TBXAS1: variants seen among roughly 807,000 people sequenced by gnomAD.
TBXAS1 encodes the protein thromboxane-A synthase.
A neutral mutation model predicts 60.7 loss-of-function variants in TBXAS1; 48 were observed. The observed-to-expected ratio is 0.79, with a 90% confidence interval of 0.63 to 1.01. The LOEUF (loss-of-function observed/expected upper bound fraction) is 1.01, where lower values mean the gene tolerates loss of function less well. Among genes scored for constraint, TBXAS1 ranks in the 50% least tolerant of loss-of-function variants. The pLI is 0.00. For missense variants in TBXAS1, 685 were observed against 686.3 expected (o/e 1.00, Z 0.02); for synonymous variants, 287 against 269.7 (o/e 1.06, Z -0.63).
chr7:139,809,323 GATA>G (rs1797968406), intron 4 of TBXAS1, among the ~76,000 whole-genome samples: 5 of 51,500 alleles, frequency 9.7e-5, no homozygotes, highest in African/African-American at 3.5e-4. Context: ...TAGGAGATTA[GATA>G]GATAGATAGA....
chr7:139,962,087 G>A lies in TBXAS1; in HGVS notation c.988G>A (p.Glu330Lys), dbSNP rs1416520013. The A allele has an allele frequency of 6.2e-7, 1 of 1,614,116 alleles. No homozygotes were observed. The highest frequency in any genetic ancestry group is 8.5e-7 in the Non-Finnish European group (1 of 1,180,044). ...SPMARPLTVD[E>K]IVGQAFIFLI... is the part of the protein sequence containing the mutation. The stretch of plus-strand genomic sequence containing the variant: ...TATGGCCAGGCCTTTGACTGTGGAT[G>A]AGATTGTGGGCCAGGCCTTCATCTT... The change falls in exon 9 of 13, where the codon GAG (glutamate) becomes AAG (lysine). Residue 330 changes from glutamate to lysine, a missense_variant. Coordinates refer to ENST00000448866, the MANE Select transcript of TBXAS1 (RefSeq NM_001061.7).
At chr7:139,829,666 T>C (rs1476012165) in intron 1 of TBXAS1, among the ~76,000 whole-genome samples, 187 bp downstream of exon 1, 1 of 152,198 alleles carries the variant, frequency 6.6e-6, no homozygotes, top group Non-Finnish European at 1.5e-5. Flanking sequence ...ATGCATGAGA[T>C]TGAAGTGTCA....
chr7:139,878,947 T>C (rs1802471387), intron 3 of TBXAS1, among the ~76,000 whole-genome samples: 1 of 152,176 alleles, frequency 6.6e-6, no homozygotes, highest in African/African-American at 2.4e-5. Flanking sequence ...CACTGAATGT[T>C]GGGAGAAAAA....
At chr7:139,845,675 T>G (rs1009311370) in intron 1 of TBXAS1, among the ~76,000 whole-genome samples, 1 of 152,100 alleles carries the variant, frequency 6.6e-6, no homozygotes, top group Non-Finnish European at 1.5e-5. Context: ...GAAGAGATGA[T>G]CTATAGGATT....
At position 139,953,439 on chromosome 7, in the gene TBXAS1, C is replaced by T. The variant is rs201279773; in HGVS notation, c.522C>T (p.Asp174=). 47 of 1,614,168 alleles carry T rather than the reference C, an allele frequency of 2.9e-5. No homozygotes were observed. The highest frequency in any genetic ancestry group is 2.9e-4 in the East Asian group (13 of 44,886). Residue 174 remains aspartate, a synonymous_variant, in exon 6 of 13, where the codon GAC becomes GAT. Coordinates refer to ENST00000448866, the MANE Select transcript of TBXAS1 (RefSeq NM_001061.7). ...AHLKRYAESG[D]AFDIQRCYCN... is the part of the protein sequence containing the mutation. ...TAAAACGCTATGCGGAATCTGGGGA[C>T]GCATTTGACATCCAGAGGTAAGGCT...
At position 139,929,534 on chromosome 7, in the gene TBXAS1, T is replaced by A. The variant is rs1246179095; in HGVS notation, c.334-6657T>A. On this transcript the variant is annotated intron_variant, in intron 4 of 12. Transcript: ENST00000448866. The stretch of plus-strand genomic sequence containing the variant: ...CAGGTAATCGAAAAAGGTTGCTTTA[T>A]GAGGAAGTTAAGTTTAAAAGTAGAA... Among the ~76,000 whole-genome samples the A allele has an allele frequency of 4.6e-5, 7 of 152,164 alleles. No homozygotes were observed. In the East Asian group the frequency reaches 1.3e-3, roughly 29 times the overall value.
In TBXAS1 at chr7:139,931,824, C is replaced by T. The variant is rs868760074; in HGVS notation, c.334-4367C>T. 3.3e-5 allele frequency among the ~76,000 whole-genome samples: 5 copies of T among 151,452 alleles called. No individual in the cohort carries two copies. The South Asian group carries it at 1.0e-3, about 32-fold the overall frequency. The stretch of plus-strand genomic sequence containing the variant: ...CATTCCTTTGGGGAAAATCCTTTGT[C>T]TCTTTCAAGGCATCTCTCAGTAAGT... On this transcript the variant is annotated intron_variant, in intron 4 of 12. Coordinates refer to ENST00000448866, the MANE Select transcript of TBXAS1 (RefSeq NM_001061.7).
chr7:139,874,143 G>T (rs1023475082), intron 2 of TBXAS1, among the ~76,000 whole-genome samples: 1 of 151,962 alleles, frequency 6.6e-6, no homozygotes, highest in Non-Finnish European at 1.5e-5. Context: ...TCTCTCTGGG[G>T]TGGGCGGTTC....
intron 1 of TBXAS1, among the ~76,000 whole-genome samples, chr7:139,831,505 TG>T (rs1798700045): frequency 6.6e-6 from 1 of 152,038 alleles, no homozygotes; most frequent in African/African-American, 2.4e-5. Context: ...AAGATGGAGG[TG>T]TAGAGACACT....
At position 139,891,685 on chromosome 7, in the gene TBXAS1, C is replaced by G. The variant is rs182542925; in HGVS notation, c.236+16048C>G. ...GGGACTTGCTCTCTTGTTTGTGCTG[C>G]TATTTCCAGTGCCTAGAATGGTGAC... On this transcript the variant is annotated intron_variant, in intron 3 of 12. Coordinates refer to ENST00000448866, the MANE Select transcript of TBXAS1 (RefSeq NM_001061.7). Among the ~76,000 whole-genome samples the G allele has an allele frequency of 2.0e-5, 3 of 152,298 alleles. No individual in the cohort carries two copies. In the East Asian group the frequency reaches 5.8e-4, roughly 29 times the overall value.
At chr7:139,932,457 A>G (rs1370923655) in intron 4 of TBXAS1, among the ~76,000 whole-genome samples, 1 of 151,978 alleles carries the variant, frequency 6.6e-6, no homozygotes, top group Non-Finnish European at 1.5e-5. Context: ...TCTGTTGACT[A>G]TTGGGATAGT....
chr7:140,010,955 T>A (rs563158104), intron 10 of TBXAS1, among the ~76,000 whole-genome samples: 2 of 151,728 alleles, frequency 1.3e-5, no homozygotes, highest in South Asian at 4.2e-4. Flanking sequence ...AATAGCATGC[T>A]TATACAAACA....
At chr7:139,875,422 G>A (rs1007741949) in intron 2 of TBXAS1, among the ~76,000 whole-genome samples, 163 bp from the exon 3 acceptor site, 4 of 152,100 alleles carry the variant, frequency 2.6e-5, no homozygotes, top group Non-Finnish European at 4.4e-5. Flanking sequence ...AAAGCCTTTT[G>A]TTTATTCCAA....
At chr7:139,919,446 C>A (rs561041012) in intron 4 of TBXAS1, among the ~76,000 whole-genome samples, 1 of 152,334 alleles carries the variant, frequency 6.6e-6, no homozygotes, top group Admixed American at 6.5e-5. Context: ...GTTCAGCTGG[C>A]CTCTCAGCCT....
At chr7:139,953,747 G>T (rs576300177) in intron 6 of TBXAS1, among the ~76,000 whole-genome samples, 4 of 152,314 alleles carry the variant, frequency 2.6e-5, no homozygotes, top group East Asian at 1.9e-4. Flanking sequence ...GGACAGGGAT[G>T]GGGGGAAAGT....
At chr7:139,828,753 C>T (rs1453028263), upstream of TBXAS1, among the ~76,000 whole-genome samples, 2 of 152,112 alleles carry the variant, frequency 1.3e-5, no homozygotes, top group Non-Finnish European at 2.9e-5. Context: ...GAACACTGAC[C>T]CCAATCGGGA....
intron 5 of TBXAS1, chr7:139,952,681 C>T: frequency 1.3e-6 from 2 of 1,524,840 alleles, no homozygotes; most frequent in Non-Finnish European, 8.8e-7. Flanking sequence ...GCCACTCTAC[C>T]TTTCTGTGTA....
intron 5 of TBXAS1, among the ~76,000 whole-genome samples, chr7:139,937,356 T>G (rs543007292): frequency 1.3e-5 from 2 of 152,342 alleles, no homozygotes; most frequent in South Asian, 4.1e-4. Context: ...ACTTTTAGCT[T>G]AAGCTCAAGA....
chr7:139,848,025 T>A (rs1040222277), intron 1 of TBXAS1, among the ~76,000 whole-genome samples: 1 of 152,090 alleles, frequency 6.6e-6, no homozygotes, highest in African/African-American at 2.4e-5. Flanking sequence ...CTTGCTATAT[T>A]TCCCAGGCTG....
Sources: allele counts gnomAD v4.1 joint callset (sites outside exome capture counted in the v4.1 genomes callset), GRCh38; gene constraint gnomAD v4.1.1; transcripts MANE v1.5; gene names NCBI Gene and HGNC (gene_info 2026-07-23, HGNC 2026-07-21).